Variants in NEMP2 observed in about 807,000 individuals in gnomAD.
The protein encoded by NEMP2 is UPF0571 transmembrane protein.
A neutral mutation model predicts 54.2 loss-of-function variants in NEMP2; 53 were observed. The observed-to-expected ratio is 0.98, with a 90% CI of 0.78 to 1.23. The LOEUF is 1.23. Ranked by LOEUF, NEMP2 falls within the 50% of genes most tolerant of loss-of-function variation. The pLI is 0.00. For missense variants in NEMP2, 455 were observed against 511.3 expected, an observed-to-expected ratio of 0.89 and a Z score of 1.06; for synonymous variants, 197 against 190.3, an observed-to-expected ratio of 1.04 and a Z score of -0.29.
the NEMP2 span, among the ~76,000 whole-genome samples, chr2:190,467,973 G>A: frequency 6.6e-6 from 1 of 152,214 alleles, no homozygotes; most frequent in Non-Finnish European, 1.5e-5. The surrounding 1 kb of genome is among the most constrained non-coding windows in gnomAD (Gnocchi z 5.5). Context: ...TTATAGAAAA[G>A]TGTTTGCTGA....
chr2:190,514,870 C>T lies in NEMP2; in HGVS notation c.728-192G>A, dbSNP rs574190766. Among the ~76,000 whole-genome samples the T allele has an allele frequency of 1.8e-4, 27 of 152,160 alleles. 1 individual carries two copies. The highest frequency in any genetic ancestry group is 8.3e-4 in the South Asian group (4 of 4,824). On this transcript the variant is annotated intron_variant, in intron 6 of 8. Coordinates refer to ENST00000409150, the MANE Select transcript of NEMP2 (RefSeq NM_001142645.2). This position sits in a 1 kb window ranked among gnomAD's most constrained non-coding sequence, Gnocchi z 5.7. ...CCATATGAGATACTAGGCTGACTTTCGCAATAATTTGGGATGTACACTCAT... is the reference window on the plus strand; with the variant it reads ...CCATATGAGATACTAGGCTGACTTTTGCAATAATTTGGGATGTACACTCAT...
chr2:190,590,296 C>T, the NEMP2 span, among the ~76,000 whole-genome samples: 1 of 152,190 alleles, frequency 6.6e-6, no homozygotes. This position sits in a 1 kb window ranked among gnomAD's most constrained non-coding sequence, Gnocchi z 5.1. Context: ...TCCAGTTGAT[C>T]ATCCAATTCT....
chr2:190,550,629 A>G, the NEMP2 span, among the ~76,000 whole-genome samples: 15 of 152,200 alleles, frequency 9.9e-5, no homozygotes, highest in South Asian at 2.1e-4. This position sits in a 1 kb window ranked among gnomAD's most constrained non-coding sequence, Gnocchi z 4.7. Flanking sequence ...TACTTTTTTC[A>G]TATCATCTCC....
chr2:190,491,549 G>A, the NEMP2 span, among the ~76,000 whole-genome samples: 1 of 152,192 alleles, frequency 6.6e-6, no homozygotes. This position sits in a 1 kb window ranked among gnomAD's most constrained non-coding sequence, Gnocchi z 4.2. Flanking sequence ...GCTAGATCCA[G>A]AAGAGAAATG....
chr2:190,596,002 A>G, the NEMP2 span, among the ~76,000 whole-genome samples: 1 of 152,330 alleles, frequency 6.6e-6, no homozygotes, highest in East Asian at 1.9e-4. The surrounding 1 kb of genome is among the most constrained non-coding windows in gnomAD (Gnocchi z 5.1). Context: ...ACCAACCCAA[A>G]TGTCCATCAA....
chr2:190,467,917 G>C, the NEMP2 span, among the ~76,000 whole-genome samples: 1 of 152,226 alleles, frequency 6.6e-6, no homozygotes, highest in Non-Finnish European at 1.5e-5. This position sits in a 1 kb window ranked among gnomAD's most constrained non-coding sequence, Gnocchi z 5.5. Context: ...AGCTGCAACA[G>C]AGACCATGTA....
chr2:190,624,412 C>T, the NEMP2 span: 2 of 152,156 alleles, frequency 1.3e-5, no homozygotes, highest in African/African-American at 4.8e-5. Context: ...ATAAATAGAG[C>T]TGCCATATAA....
At chr2:190,435,906 G>T in the NEMP2 span, 1 of 1,278,796 alleles carries the variant, frequency 7.8e-7, no homozygotes, top group Non-Finnish European at 1.1e-6. Context: ...TTAATTTCCT[G>T]CAAGATGAAG....
At chr2:190,478,464 G>A in the NEMP2 span, among the ~76,000 whole-genome samples, 1 of 152,172 alleles carries the variant, frequency 6.6e-6, no homozygotes, top group Non-Finnish European at 1.5e-5. Flanking sequence ...ATAAAATCCT[G>A]CATCACAGAA....
At chr2:190,642,686 G>C in the NEMP2 span, among the ~76,000 whole-genome samples, 2 of 152,054 alleles carry the variant, frequency 1.3e-5, no homozygotes, top group Non-Finnish European at 2.9e-5. The surrounding 1 kb of genome is among the most constrained non-coding windows in gnomAD (Gnocchi z 4.1). Flanking sequence ...TATTCTACAT[G>C]ACTCAGTTAA....
chr2:190,444,548 G>A, the NEMP2 span, among the ~76,000 whole-genome samples: 4 of 152,220 alleles, frequency 2.6e-5, no homozygotes, highest in Admixed American at 2.6e-4. Flanking sequence ...TCTTTTTAGT[G>A]TAGGGGAGAT....
chr2:190,520,558 T>C lies in NEMP2; in HGVS notation c.214-1375A>G, dbSNP rs985945550. Among the ~76,000 whole-genome samples the C allele has an allele frequency of 3.9e-5, 6 of 152,238 alleles. No homozygotes were observed. Among genetic ancestry groups the C allele is most frequent in the African/African-American group, 1.2e-4 (5 of 41,452 alleles). ...CCCTGCATTTCTCTTTGACTTTGGC[T>C]TCTGGCTCACTGTGGCTCTCTCTTC... On this transcript the variant is annotated intron_variant, in intron 2 of 8. Coordinates refer to ENST00000409150, the MANE Select transcript of NEMP2 (RefSeq NM_001142645.2). The surrounding 1 kb of genome is among the most constrained non-coding windows in gnomAD (Gnocchi z 5.4).
downstream of NEMP2, among the ~76,000 whole-genome samples, chr2:190,502,483 T>C (rs1490729354): frequency 6.6e-6 from 1 of 152,004 alleles, no homozygotes; most frequent in Non-Finnish European, 1.5e-5. This position sits in a 1 kb window ranked among gnomAD's most constrained non-coding sequence, Gnocchi z 4.4. Flanking sequence ...TCCAAAGTGG[T>C]TAACTGCTAA....
At chr2:190,517,488 A>C (rs1690601873) in intron 5 of NEMP2, 32 bp downstream of exon 5, 5 of 1,443,050 alleles carry the variant, frequency 3.5e-6, no homozygotes, top group Non-Finnish European at 2.8e-6. Context: ...CATGATTTCC[A>C]TTTTTTACTC....
At chr2:190,515,100 A>G (rs898889164) in intron 6 of NEMP2, among the ~76,000 whole-genome samples, 1 of 152,188 alleles carries the variant, frequency 6.6e-6, no homozygotes, top group Non-Finnish European at 1.5e-5. Context: ...TCCAATGTTC[A>G]GTCTCATCAT....
the NEMP2 span, among the ~76,000 whole-genome samples, chr2:190,445,418 CT>C: frequency 6.6e-6 from 1 of 150,592 alleles, no homozygotes; most frequent in Non-Finnish European, 1.5e-5. Flanking sequence ...GTTCTGTCTC[CT>C]TTTCCAGAGT....
At chr2:190,622,135 G>A in the NEMP2 span, among the ~76,000 whole-genome samples, 1 of 151,858 alleles carries the variant, frequency 6.6e-6, no homozygotes, top group African/African-American at 2.4e-5. Flanking sequence ...GGGTGTGGTG[G>A]CCCATACCTG....
At chr2:190,477,869 C>CA in the NEMP2 span, among the ~76,000 whole-genome samples, 2 of 152,094 alleles carry the variant, frequency 1.3e-5, no homozygotes, top group Admixed American at 6.6e-5. Context: ...AAATTCCCTA[C>CA]AAAAATCACA....
the NEMP2 span, among the ~76,000 whole-genome samples, chr2:190,557,080 A>G: frequency 1.3e-5 from 2 of 152,210 alleles, no homozygotes; most frequent in Non-Finnish European, 2.9e-5. Context: ...AGACTATACT[A>G]CAAGGCTATA....
Sources: gnomAD v4.1 joint callset for allele counts (sites outside exome capture counted in the v4.1 genomes callset) on GRCh38, gnomAD v4.1.1 for gene constraint, Gnocchi (gnomAD v3.1) non-coding constraint, MANE v1.5 for transcripts, NCBI Gene and HGNC (gene_info 2026-07-23, HGNC 2026-07-21) for gene names.